TBC1D19: variants seen among roughly 807,000 people sequenced by gnomAD.
TBC1D19 encodes the protein TBC1 domain family member 19, also known as TBC1 domain family, member 19.
In TBC1D19, 60 loss-of-function variants were observed where a neutral mutation model predicts 89.0. The observed-to-expected ratio is 0.67, with a 90% CI of 0.55 to 0.84. The LOEUF is 0.84. TBC1D19 is among the 40% of genes least tolerant of loss of function. The probability of loss-of-function intolerance (pLI) is 0.00; values close to 1 mark genes in which losing one functional copy is unlikely to be tolerated. For missense variants in TBC1D19, 500 were observed against 610.8 expected, an observed-to-expected ratio of 0.82 and a Z score of 1.91; for synonymous variants, 189 against 199.7, an observed-to-expected ratio of 0.95 and a Z score of 0.45.
At chr4:26,659,509 G>A in intron 7 of TBC1D19, 88 bp from the exon 8 acceptor site, 1 of 717,714 alleles carries the variant, frequency 1.4e-6, no homozygotes, top group Non-Finnish European at 2.3e-6. Context: ...TAATTTTGTG[G>A]TGATACACTA....
At chr4:26,805,730 T>C in the TBC1D19 span, among the ~76,000 whole-genome samples, 1 of 152,174 alleles carries the variant, frequency 6.6e-6, no homozygotes, top group African/African-American at 2.4e-5. Flanking sequence ...GCACAGTGGC[T>C]CACACCTGTA....
chr4:26,661,054 G>A (rs1372297275), intron 8 of TBC1D19, among the ~76,000 whole-genome samples: 1 of 152,130 alleles, frequency 6.6e-6, no homozygotes, highest in African/African-American at 2.4e-5. Flanking sequence ...GTGAGCCATA[G>A]GGCTGAAAAT....
rs557220732 is a variant in TBC1D19, at chr4:26,634,169, T to C, written c.295-3042T>C. Among the ~76,000 whole-genome samples, 473 of 152,232 alleles carry C rather than the reference T, an allele frequency of 3.1e-3. 4 individuals carry two copies. The highest frequency in any genetic ancestry group is 5.8e-3 in the Non-Finnish European group (397 of 68,010). ...TTTTCTTTTTTTACAATGGTCCTTA[T>C]GCTGGATTCATTTCTCTTGAAGTGA... On this transcript the variant is annotated intron_variant, in intron 4 of 20. Transcript: ENST00000264866.
chr4:26,640,907 G>A (rs866270822), intron 7 of TBC1D19, among the ~76,000 whole-genome samples: 6 of 152,338 alleles, frequency 3.9e-5, no homozygotes, highest in African/African-American at 1.2e-4. Flanking sequence ...AGCTCGAACT[G>A]GGTGGAGCCC....
chr4:26,590,968 A>G (rs1739755869), intron 1 of TBC1D19, among the ~76,000 whole-genome samples: 2 of 151,392 alleles, frequency 1.3e-5, no homozygotes, highest in African/African-American at 2.4e-5. Context: ...GTTTTGACAA[A>G]TACATGGTGT....
At position 26,741,479 on chromosome 4, in the gene TBC1D19, G is replaced by A. The variant is rs191393098; in HGVS notation, c.1228-1029G>A. Among the ~76,000 whole-genome samples the A allele has an allele frequency of 4.5e-3, 689 of 151,598 alleles. 2 individuals are homozygous for A. The highest frequency in any genetic ancestry group is 8.2e-3 in the Non-Finnish European group (560 of 67,928). ...TTATGCTTCAGAGTTTAAAAAAACT[G>A]GCTGCATAGCACACACCCATGGTGT... On this transcript the variant is annotated intron_variant, in intron 17 of 20. Transcript: ENST00000264866.
the TBC1D19 span, among the ~76,000 whole-genome samples, chr4:26,827,712 G>GTT: frequency 6.1e-5 from 7 of 114,558 alleles, no homozygotes; most frequent in East Asian, 2.4e-4. Context: ...TTTGTTTTTT[G>GTT]TTTTGTTTTT....
At chr4:26,627,034 C>T (rs1168281095) in intron 4 of TBC1D19, among the ~76,000 whole-genome samples, 1 of 151,768 alleles carries the variant, frequency 6.6e-6, no homozygotes, top group Non-Finnish European at 1.5e-5. Context: ...TACTATCCCT[C>T]CCCCCTCCGC....
chr4:26,722,821 G>A (rs1717063014), intron 15 of TBC1D19, among the ~76,000 whole-genome samples: 2 of 152,140 alleles, frequency 1.3e-5, no homozygotes, highest in African/African-American at 4.8e-5. Flanking sequence ...GAACCTATGA[G>A]GAAGGTACTA....
intron 11 of TBC1D19, among the ~76,000 whole-genome samples, chr4:26,680,910 T>C (rs1352919174): frequency 1.3e-5 from 2 of 152,232 alleles, no homozygotes; most frequent in Non-Finnish European, 2.9e-5. Flanking sequence ...TCTATTCATT[T>C]TCCCTGAACT....
At chr4:26,636,290 T>C (rs576214657) in intron 4 of TBC1D19, among the ~76,000 whole-genome samples, 1 of 152,022 alleles carries the variant, frequency 6.6e-6, no homozygotes, top group South Asian at 2.1e-4. Flanking sequence ...TAGCTTGTCA[T>C]TGAAAAGAAT....
intron 13 of TBC1D19, 68 bp from the exon 14 acceptor site, chr4:26,717,865 G>T: frequency 7.6e-7 from 1 of 1,317,802 alleles, no homozygotes. Flanking sequence ...CTCCTGAGTA[G>T]GAAATAATGA....
chr4:26,795,343 TGTG>T, the TBC1D19 span, among the ~76,000 whole-genome samples: 1 of 152,176 alleles, frequency 6.6e-6, no homozygotes, highest in Non-Finnish European at 1.5e-5. Context: ...TACTCCAACT[TGTG>T]GTAGCTACTA....
chr4:26,714,171 C>T (rs568783287), intron 13 of TBC1D19, among the ~76,000 whole-genome samples: 1 of 152,068 alleles, frequency 6.6e-6, no homozygotes, highest in Non-Finnish European at 1.5e-5. Flanking sequence ...CATAATTAGA[C>T]CCTGTCTCTA....
chr4:26,591,752 T>A (rs1739824802), intron 1 of TBC1D19, among the ~76,000 whole-genome samples: 1 of 152,210 alleles, frequency 6.6e-6, no homozygotes, highest in Non-Finnish European at 1.5e-5. Flanking sequence ...AATGGATAAA[T>A]TCCTCGACAC....
intron 1 of TBC1D19, among the ~76,000 whole-genome samples, chr4:26,588,261 G>A (rs754909574): frequency 1.3e-5 from 2 of 151,948 alleles, no homozygotes; most frequent in Non-Finnish European, 2.9e-5. Context: ...TCCTGACCTC[G>A]TGATCCGCCC....
chr4:26,834,087 T>TC, the TBC1D19 span, among the ~76,000 whole-genome samples: 1 of 152,112 alleles, frequency 6.6e-6, no homozygotes, highest in East Asian at 1.9e-4. Context: ...ATGGCCCCTC[T>TC]CCCCCTTCCT....
intron 19 of TBC1D19, among the ~76,000 whole-genome samples, chr4:26,751,196 A>G (rs1450393510): frequency 6.6e-6 from 1 of 152,182 alleles, no homozygotes; most frequent in South Asian, 2.1e-4. Context: ...TGTGACACCA[A>G]GATAAATAAA....
chr4:26,720,319 AT>A (rs1935794191), intron 15 of TBC1D19, among the ~76,000 whole-genome samples, 194 bp downstream of exon 15: 1 of 152,224 alleles, frequency 6.6e-6, no homozygotes, highest in African/African-American at 2.4e-5. Context: ...ACTCTCTCTG[AT>A]TCTCCCTGGG....
Sources: allele counts gnomAD v4.1 joint callset (sites outside exome capture counted in the v4.1 genomes callset), GRCh38; gene constraint gnomAD v4.1.1; transcripts MANE v1.5; gene names NCBI Gene and HGNC (gene_info 2026-07-23, HGNC 2026-07-21).